The following TSPEAR variants were observed in gnomAD, a reference collection of about 807,000 sequenced individuals.
TSPEAR encodes thrombospondin-type laminin G domain and EAR repeat-containing protein.
Under a neutral mutation model 71.6 loss-of-function variants are expected in TSPEAR, and 69 were observed. The ratio of observed to expected loss-of-function variants is 0.96; its 90% CI spans 0.79 to 1.18. TSPEAR has a LOEUF of 1.18. TSPEAR is among the 50% of genes most tolerant of loss of function. The pLI, the probability that TSPEAR is intolerant of heterozygous loss-of-function variation, is 0.00. For missense variants in TSPEAR, 971 were observed against 894.9 expected (o/e 1.09, Z -1.09); for synonymous variants, 402 against 387.2 (o/e 1.04, Z -0.45).
intron 8 of TSPEAR, among the ~76,000 whole-genome samples, chr21:44,522,540 CAG>C (rs781896218): frequency 7.9e-5 from 12 of 152,258 alleles, no homozygotes; most frequent in Non-Finnish European, 1.8e-4. Flanking sequence ...GTCGTGGGCT[CAG>C]GGGAGTGCAG....
intron 1 of TSPEAR, among the ~76,000 whole-genome samples, chr21:44,678,246 G>A (rs982134765): frequency 1.9e-4 from 29 of 152,150 alleles, no homozygotes; most frequent in African/African-American, 5.5e-4. Context: ...AATCCCCAGC[G>A]CTGGAGGTGG....
intron 4 of TSPEAR, 65 bp downstream of exon 4, chr21:44,530,978 C>A (rs1246715922): frequency 1.5e-6 from 2 of 1,312,678 alleles, no homozygotes; most frequent in Non-Finnish European, 2.2e-6. Flanking sequence ...AGCAGTAGGA[C>A]AACTGGCCTG....
intron 1 of TSPEAR, among the ~76,000 whole-genome samples, chr21:44,572,834 GACACACACACACACACACACACACACAC>G (rs71199612): frequency 4.8e-5 from 6 of 124,804 alleles, no homozygotes; most frequent in Non-Finnish European, 1.0e-4. Flanking sequence ...GGGAGATTTG[GACACACACACACACACACACACACACAC>G]ACACACACAC....
At chr21:44,624,122 C>T (rs587672619) in intron 1 of TSPEAR, among the ~76,000 whole-genome samples, 1 of 152,320 alleles carries the variant, frequency 6.6e-6, no homozygotes, top group East Asian at 1.9e-4. Flanking sequence ...TCTCTGTACT[C>T]AGGGCTGAAT....
At chr21:44,635,644 G>T (rs1983514234) in intron 1 of TSPEAR, among the ~76,000 whole-genome samples, 1 of 152,042 alleles carries the variant, frequency 6.6e-6, no homozygotes, top group African/African-American at 2.4e-5. Context: ...GAATAGTATT[G>T]GTTGCCAGGG....
rs782400547 is a variant in TSPEAR at position 44,504,804 on chromosome 21, A to G, written c.1832T>C (p.Phe611Ser). ...CCTGTAAATAATACTGTTCACCGAG[A>G]AGGTACGCCCATCGAAGGAGTTGGC... ...VVANSFDGRT[F>S]SVNSIIYRWQ... The change falls in exon 11 of 12, where the codon TTC (phenylalanine) becomes TCC (serine). Residue 611 changes from phenylalanine to serine, a missense_variant. Phe to Ser is a radical substitution (Grantham distance 155). Coordinates refer to ENST00000323084, the MANE Select transcript of TSPEAR (RefSeq NM_144991.3). The G allele has an allele frequency of 1.2e-6, 2 of 1,613,830 alleles. No individual in the cohort carries two copies. The highest frequency in any genetic ancestry group is 2.2e-5 in the South Asian group (2 of 91,080).
intron 9 of TSPEAR, chr21:44,518,991 C>A (rs146368710): frequency 0.015 from 2,812 of 188,458 alleles, 74 homozygotes; most frequent in African/African-American, 0.059. Flanking sequence ...CCCCAAGCCA[C>A]CCTTTCGTTG....
intron 1 of TSPEAR, among the ~76,000 whole-genome samples, chr21:44,586,456 T>A (rs1449067944): frequency 2.0e-5 from 3 of 152,008 alleles, no homozygotes; most frequent in Non-Finnish European, 4.4e-5. Context: ...CTTAGGCTTT[T>A]AAAAAAAATT....
Position 44,498,424 on chromosome 21 carries a change from C to T in TSPEAR, c.*1359G>A, listed in dbSNP as rs1031670485. 6 of 152,238 alleles carry T rather than the reference C, an allele frequency of 3.9e-5. No homozygotes were observed. The highest frequency in any genetic ancestry group is 8.8e-5 in the Non-Finnish European group (6 of 68,062). 9.4% of individuals were successfully genotyped at this position (152,238 alleles called of 1,614,324 possible). A position where few individuals can be genotyped will look rare whatever the true frequency, so the allele number is the denominator to read the frequency against. On this transcript the variant is annotated 3_prime_UTR_variant, in exon 12 of 12. Coordinates refer to ENST00000323084, the MANE Select transcript of TSPEAR (RefSeq NM_144991.3). ...GCTGGCTGGACGGAGGGGAAGGAGG[C>T]TCTCGGCGACTGCCCCCAGAGGGGA...
At chr21:44,649,507 C>T (rs1370266033) in intron 1 of TSPEAR, among the ~76,000 whole-genome samples, 1 of 152,176 alleles carries the variant, frequency 6.6e-6, no homozygotes, top group Non-Finnish European at 1.5e-5. Context: ...GAGGACAGCA[C>T]CCCCTCCAGG....
chr21:44,579,079 G>A (rs1555924384), intron 1 of TSPEAR, among the ~76,000 whole-genome samples: 1 of 152,216 alleles, frequency 6.6e-6, no homozygotes, highest in Non-Finnish European at 1.5e-5. Context: ...TCTCGGGCGG[G>A]CGGCACACAG....
chr21:44,537,259 AT>A (rs1346242185), intron 2 of TSPEAR, among the ~76,000 whole-genome samples: 1 of 152,000 alleles, frequency 6.6e-6, no homozygotes, highest in Non-Finnish European at 1.5e-5. Flanking sequence ...TTCCTCCTAC[AT>A]ATTTAAAAGC....
At chr21:44,620,536 G>A (rs765535428) in intron 1 of TSPEAR, among the ~76,000 whole-genome samples, 4 of 152,090 alleles carry the variant, frequency 2.6e-5, no homozygotes, top group Admixed American at 6.5e-5. Context: ...TTTCATTTAC[G>A]ATTTTAGTTA....
chr21:44,619,220 A>G (rs1982297295), intron 1 of TSPEAR, among the ~76,000 whole-genome samples: 1 of 152,222 alleles, frequency 6.6e-6, no homozygotes, highest in African/African-American at 2.4e-5. Flanking sequence ...TTTTGATTCC[A>G]GGGGTTTAAG....
chr21:44,657,804 A>T, intron 1 of TSPEAR: 1 of 636,588 alleles, frequency 1.6e-6, no homozygotes, highest in South Asian at 1.9e-5. Context: ...ATGACGCGGG[A>T]AAGTACACGC....
intron 1 of TSPEAR, chr21:44,580,457 C>G: frequency 1.9e-6 from 3 of 1,613,186 alleles, no homozygotes; most frequent in South Asian, 1.1e-5. Context: ...CACTGGGGTG[C>G]AGACCAGGGT....
Position 44,612,071 on chromosome 21 carries a change from G to T in TSPEAR, c.83-44066C>A. The T allele has an allele frequency of 6.2e-7, 1 of 1,600,498 alleles. No homozygotes were observed. Among genetic ancestry groups the T allele is most frequent in the Non-Finnish European group, 8.5e-7 (1 of 1,171,150 alleles). ...ACACAAACCCACACACCTCACACCA[G>T]CACTCACACCACCCAGTCCAGCACC... On this transcript the variant is annotated intron_variant, in intron 1 of 11. Transcript: ENST00000323084. This position sits in a 1 kb window ranked among gnomAD's most constrained non-coding sequence, Gnocchi z 4.1.
chr21:44,539,469 G>A (rs1213035395), intron 2 of TSPEAR: 27 of 1,613,638 alleles, frequency 1.7e-5, no homozygotes, highest in Non-Finnish European at 2.3e-5. Flanking sequence ...GAGGAGGAGG[G>A]TCTGCAGCAG....
chr21:44,591,353 G>T (rs782125675), intron 1 of TSPEAR: 13 of 1,570,826 alleles, frequency 8.3e-6, no homozygotes, highest in South Asian at 1.2e-5. Flanking sequence ...GTCAGCCCCT[G>T]GTGGGAAGGG....
Sources: allele counts gnomAD v4.1 joint callset (sites outside exome capture counted in the v4.1 genomes callset), GRCh38; gene constraint gnomAD v4.1.1; non-coding constraint Gnocchi (gnomAD v3.1); transcripts MANE v1.5; gene names NCBI Gene and HGNC (gene_info 2026-07-23, HGNC 2026-07-21).